The following CDC42SE2 variants were observed in gnomAD, a reference collection of about 807,000 sequenced individuals.
CDC42SE2 encodes CDC42 small effector 2.
CDC42SE2 carries 3 observed loss-of-function variants against 11.5 expected under a neutral mutation model. That is an observed-to-expected ratio of 0.26 (90% CI 0.12 to 0.67). CDC42SE2 has a LOEUF of 0.67. Among genes scored for constraint, CDC42SE2 ranks in the 30% least tolerant of loss-of-function variants. The pLI is 0.80. For missense variants in CDC42SE2, 82 were observed against 106.8 expected, an observed-to-expected ratio of 0.77 and a Z score of 1.02; for synonymous variants, 33 against 34.8, an observed-to-expected ratio of 0.95 and a Z score of 0.18.
At chr5:131,364,503 G>T (rs1749799619) in intron 3 of CDC42SE2, among the ~76,000 whole-genome samples, 1 of 152,162 alleles carries the variant, frequency 6.6e-6, no homozygotes, top group African/African-American at 2.4e-5. Flanking sequence ...GAAAAGACTG[G>T]TTTTTATTCT....
the CDC42SE2 span, among the ~76,000 whole-genome samples, chr5:131,211,916 G>A: frequency 6.7e-6 from 1 of 149,612 alleles, no homozygotes; most frequent in Non-Finnish European, 1.5e-5. Flanking sequence ...CCAGGGAGGT[G>A]GAGGCTGCAG....
chr5:131,268,596 G>T (rs889845489), intron 1 of CDC42SE2, among the ~76,000 whole-genome samples: 1 of 151,688 alleles, frequency 6.6e-6, no homozygotes, highest in Non-Finnish European at 1.5e-5. Flanking sequence ...GGGATTACAG[G>T]CATGCACCAC....
rs1374649680 is a variant in CDC42SE2, at chr5:131,311,203, G to T, written c.-454-4773G>T. ...ATTTTATTTCTCCTTCACTTATGAAGCTTAGTTTGGCTGGATATGCAATTC... is the reference window on the plus strand; with the variant it reads ...ATTTTATTTCTCCTTCACTTATGAATCTTAGTTTGGCTGGATATGCAATTC... On this transcript the variant is annotated intron_variant, in intron 1 of 4. Coordinates refer to ENST00000505065, the MANE Select transcript of CDC42SE2 (RefSeq NM_001375635.1). 7.7e-4 allele frequency among the ~76,000 whole-genome samples: 117 copies of T among 151,584 alleles called. 1 individual carries two copies. The highest frequency in any genetic ancestry group is 7.6e-3 in the Admixed American group (116 of 15,202).
intron 1 of CDC42SE2, among the ~76,000 whole-genome samples, chr5:131,276,983 G>A (rs887088508): frequency 5.9e-5 from 9 of 151,868 alleles, no homozygotes; most frequent in Admixed American, 3.3e-4. Flanking sequence ...CAGATGATCC[G>A]CCCACCTCGG....
chr5:131,344,513 G>A (rs1199044067), intron 2 of CDC42SE2, among the ~76,000 whole-genome samples: 1 of 152,244 alleles, frequency 6.6e-6, no homozygotes, highest in African/African-American at 2.4e-5. Flanking sequence ...AGCTCGAACT[G>A]GGTGGAGCCC....
intron 3 of CDC42SE2, among the ~76,000 whole-genome samples, chr5:131,374,928 T>C (rs1341583772): frequency 6.6e-6 from 1 of 152,032 alleles, no homozygotes; most frequent in East Asian, 1.9e-4. Flanking sequence ...CAATCCCAGA[T>C]GGACCCATAG....
chr5:131,346,898 T>TG (rs201136936), intron 2 of CDC42SE2, among the ~76,000 whole-genome samples: 18,674 of 152,124 alleles, frequency 0.12, 2,650 homozygotes, highest in African/African-American at 0.35. Context: ...TGCTCCTGAA[T>TG]GACTAGTGGG....
intron 1 of CDC42SE2, among the ~76,000 whole-genome samples, chr5:131,246,002 G>A (rs1390073096): frequency 6.6e-6 from 1 of 152,166 alleles, no homozygotes; most frequent in Non-Finnish European, 1.5e-5. Context: ...ACTCACAGGG[G>A]TTATATTGCC....
intron 3 of CDC42SE2, among the ~76,000 whole-genome samples, chr5:131,369,011 T>C (rs2149778292): frequency 6.6e-6 from 1 of 152,328 alleles, no homozygotes; most frequent in East Asian, 1.9e-4. Context: ...CCCAGAAGCC[T>C]CCTTGTGTCC....
chr5:131,381,048 G>A (rs1364714997), intron 3 of CDC42SE2, among the ~76,000 whole-genome samples: 1 of 152,168 alleles, frequency 6.6e-6, no homozygotes, highest in African/African-American at 2.4e-5. Context: ...TGTACACACT[G>A]CTGATTTTCC....
chr5:131,346,812 C>A (rs1480227134), intron 2 of CDC42SE2, among the ~76,000 whole-genome samples: 1 of 152,112 alleles, frequency 6.6e-6, no homozygotes, highest in African/African-American at 2.4e-5. Flanking sequence ...TCTCTCAGAC[C>A]ACAGTGCAAT....
chr5:131,260,697 G>A (rs1174825751), upstream of CDC42SE2, among the ~76,000 whole-genome samples: 1 of 151,574 alleles, frequency 6.6e-6, no homozygotes, highest in African/African-American at 2.4e-5. Context: ...ACTTTGGGAG[G>A]CCGAGGCAGG....
intron 3 of CDC42SE2, among the ~76,000 whole-genome samples, chr5:131,363,026 C>T (rs141169776): frequency 0.011 from 1,638 of 152,074 alleles, 32 homozygotes; most frequent in African/African-American, 0.036. Flanking sequence ...TGCCTGAAGT[C>T]CTAGCTACTC....
intron 2 of CDC42SE2, among the ~76,000 whole-genome samples, chr5:131,344,227 G>C (rs1161742348): frequency 6.6e-6 from 1 of 152,188 alleles, no homozygotes; most frequent in Admixed American, 6.5e-5. Flanking sequence ...GAAGCGCAGG[G>C]GATCGGGGAA....
chr5:131,380,672 T>C (rs1750294870), intron 3 of CDC42SE2, among the ~76,000 whole-genome samples: 1 of 152,180 alleles, frequency 6.6e-6, no homozygotes, highest in Non-Finnish European at 1.5e-5. Context: ...CCATTTTCTT[T>C]TTCCTTCTTT....
At chr5:131,298,351 A>C (rs936583904) in intron 1 of CDC42SE2, among the ~76,000 whole-genome samples, 1 of 151,568 alleles carries the variant, frequency 6.6e-6, no homozygotes, top group Non-Finnish European at 1.5e-5. Flanking sequence ...AGGTGATCCG[A>C]TCTCAGGTGA....
chr5:131,224,770 A>T, the CDC42SE2 span, among the ~76,000 whole-genome samples: 2 of 151,948 alleles, frequency 1.3e-5, no homozygotes, highest in Non-Finnish European at 2.9e-5. Flanking sequence ...TGCCTCTTTT[A>T]AGAGTGAAGC....
At chr5:131,216,520 A>C in the CDC42SE2 span, among the ~76,000 whole-genome samples, 4 of 148,610 alleles carry the variant, frequency 2.7e-5, no homozygotes, top group East Asian at 3.9e-4. Flanking sequence ...AAAAAAAAAA[A>C]AACATTATAG....
intron 2 of CDC42SE2, among the ~76,000 whole-genome samples, chr5:131,355,683 A>C (rs1004129803): frequency 6.6e-6 from 1 of 151,914 alleles, no homozygotes; most frequent in African/African-American, 2.4e-5. Flanking sequence ...ACCTGAACTG[A>C]GTTAAGATAT....
Sources: gnomAD v4.1 joint callset for allele counts (sites outside exome capture counted in the v4.1 genomes callset) on GRCh38, gnomAD v4.1.1 for gene constraint, MANE v1.5 for transcripts, NCBI Gene and HGNC (gene_info 2026-07-23, HGNC 2026-07-21) for gene names.